TNPO1: variants seen among roughly 807,000 people sequenced by gnomAD.
The protein encoded by TNPO1 is transportin-1.
A neutral mutation model predicts 119.5 loss-of-function variants in TNPO1; 8 were observed. That is an observed-to-expected ratio of 0.07 (90% confidence interval 0.04 to 0.12). TNPO1 has a LOEUF of 0.12. Among genes scored for constraint, TNPO1 ranks in the 10% least tolerant of loss-of-function variants. The pLI is 1.00. For missense variants in TNPO1, 576 were observed against 1,089.8 expected, an observed-to-expected ratio of 0.53 and a Z score of 6.64; for synonymous variants, 362 against 363.0, an observed-to-expected ratio of 1.00 and a Z score of 0.03.
intron 4 of TNPO1, among the ~76,000 whole-genome samples, chr5:72,860,728 C>CA (rs1341816693): frequency 3.3e-5 from 5 of 152,184 alleles, no homozygotes; most frequent in Admixed American, 1.3e-4. Flanking sequence ...AAGTGATACT[C>CA]ATCTGCTTAA....
intron 14 of TNPO1, among the ~76,000 whole-genome samples, chr5:72,891,027 G>A (rs1702425997): frequency 6.6e-6 from 1 of 151,960 alleles, no homozygotes; most frequent in Non-Finnish European, 1.5e-5. Flanking sequence ...CCAACTTTTT[G>A]TAGAGATAGT....
intron 23 of TNPO1, among the ~76,000 whole-genome samples, chr5:72,904,813 A>C (rs1750028982): frequency 6.6e-6 from 1 of 152,142 alleles, no homozygotes; most frequent in Non-Finnish European, 1.5e-5. Context: ...CACACACAAA[A>C]AGATATGCCC....
At chr5:72,818,818 A>G (rs1743815901) in intron 1 of TNPO1, among the ~76,000 whole-genome samples, 1 of 152,210 alleles carries the variant, frequency 6.6e-6, no homozygotes, top group South Asian at 2.1e-4. Context: ...GTTTTCAAAA[A>G]CAATGGCGAA....
intron 23 of TNPO1, among the ~76,000 whole-genome samples, chr5:72,905,030 G>A (rs1750045395): frequency 6.6e-6 from 1 of 152,046 alleles, no homozygotes; most frequent in South Asian, 2.1e-4. Context: ...GAAGAGTATA[G>A]GAAAAACTAC....
At chr5:72,885,040 A>G (rs970979549) in intron 11 of TNPO1, among the ~76,000 whole-genome samples, 3 of 152,246 alleles carry the variant, frequency 2.0e-5, no homozygotes, top group Admixed American at 6.5e-5. Context: ...AGATAATGCT[A>G]ATTTCTCTGT....
intron 13 of TNPO1, among the ~76,000 whole-genome samples, chr5:72,889,206 C>T (rs867215449): frequency 6.6e-6 from 1 of 152,150 alleles, no homozygotes; most frequent in Admixed American, 6.5e-5. Flanking sequence ...TACAGGTGTG[C>T]GACACCATGC....
At chr5:72,817,022 A>G in intron 1 of TNPO1, 2 of 472,658 alleles carry the variant, frequency 4.2e-6, no homozygotes, top group Non-Finnish European at 7.5e-6. Context: ...GGAGCCCGTT[A>G]CAAGGGGCGG....
intron 4 of TNPO1, 74 bp downstream of exon 4, chr5:72,855,997 T>G: frequency 1.4e-6 from 2 of 1,477,054 alleles, no homozygotes; most frequent in South Asian, 1.2e-5. Context: ...GATTATTTCC[T>G]TAGGAATTTT....
chr5:72,897,600 T>C (rs982610822), intron 20 of TNPO1, among the ~76,000 whole-genome samples: 2 of 152,018 alleles, frequency 1.3e-5, no homozygotes, highest in Non-Finnish European at 2.9e-5. Flanking sequence ...ATTGGGAATT[T>C]AGGCAGTATG....
chr5:72,883,993 A>C (rs1478975114), intron 11 of TNPO1, among the ~76,000 whole-genome samples: 3 of 150,876 alleles, frequency 2.0e-5, no homozygotes, highest in African/African-American at 4.9e-5. Context: ...CAAGCGATCC[A>C]CCCGCCTTGC....
intron 9 of TNPO1, among the ~76,000 whole-genome samples, chr5:72,877,703 A>G (rs1747902586): frequency 6.6e-6 from 1 of 152,148 alleles, no homozygotes; most frequent in Non-Finnish European, 1.5e-5. Context: ...ATTTCCCACT[A>G]GTTGTGATGC....
Position 72,910,432 on chromosome 5 carries a change from G to A in TNPO1, c.*1759G>A, listed in dbSNP as rs1307043260. On this transcript the variant is annotated 3_prime_UTR_variant, in exon 25 of 25. Coordinates refer to ENST00000337273, the MANE Select transcript of TNPO1 (RefSeq NM_002270.4). The stretch of plus-strand genomic sequence containing the variant: ...TGAAAGTGCAAGTCTTTATTAATTT[G>A]GATTGCCTGAACAGTGTATCCCATG... 2.0e-5 allele frequency: 3 copies of A among 152,524 alleles called. No individual in the cohort carries two copies. Among genetic ancestry groups the A allele is most frequent in the Non-Finnish European group, 2.9e-5 (2 of 67,990 alleles). The allele number at this position is 152,524 out of a possible 1,614,324, so 9.4% of individuals were successfully genotyped here. A position where few individuals can be genotyped will look rare whatever the true frequency, so the allele number is the denominator to read the frequency against.
At chr5:72,886,293 CT>C (rs1294557762) in intron 11 of TNPO1, among the ~76,000 whole-genome samples, 1 of 152,148 alleles carries the variant, frequency 6.6e-6, no homozygotes, top group African/African-American at 2.4e-5. Context: ...GTGCCAGTGA[CT>C]TTTCTTCCAG....
intron 6 of TNPO1, among the ~76,000 whole-genome samples, chr5:72,866,679 A>G (rs1746930731): frequency 6.6e-6 from 1 of 152,182 alleles, no homozygotes; most frequent in Non-Finnish European, 1.5e-5. Flanking sequence ...GCTTAAGCCC[A>G]GAAGAAGGAG....
At chr5:72,860,919 T>C (rs1044072670) in intron 4 of TNPO1, among the ~76,000 whole-genome samples, 2 of 152,146 alleles carry the variant, frequency 1.3e-5, no homozygotes, top group Non-Finnish European at 2.9e-5. Context: ...TTAGAATTTT[T>C]TTTTTTTTTT....
chr5:72,880,211 G>A lies in TNPO1; in HGVS notation c.921-2256G>A, dbSNP rs150748388. The stretch of plus-strand genomic sequence containing the variant: ...CCTTTCTCAGAAAAAAAAAGCACCA[G>A]TGTAACAAGGAGGATATTAAGTTCT... On this transcript the variant is annotated intron_variant, in intron 9 of 24. Coordinates refer to ENST00000337273, the MANE Select transcript of TNPO1 (RefSeq NM_002270.4). Among the ~76,000 whole-genome samples the A allele has an allele frequency of 5.0e-3, 757 of 152,132 alleles. 5 individuals carry two copies. The highest frequency in any genetic ancestry group is 0.02 in the Middle Eastern group (6 of 294).
In TNPO1 at chr5:72,909,276, A is replaced by G. The variant is rs1750393955; in HGVS notation, c.*603A>G. On this transcript the variant is annotated 3_prime_UTR_variant, in exon 25 of 25. Transcript: ENST00000337273. ...TAGAAGCAGGTTCTTGGAAGTTACA[A>G]TTTAAGGTACCCCAAAAAAGTTGGA... 6.6e-6 allele frequency: 1 copy of G among 152,220 alleles called. No homozygotes were observed. Among genetic ancestry groups the G allele is most frequent in the Non-Finnish European group, 1.5e-5 (1 of 68,202 alleles). The allele number at this position is 152,220 out of a possible 1,614,324, so 9.4% of individuals were successfully genotyped here. A position where few individuals can be genotyped will look rare whatever the true frequency, so the allele number is the denominator to read the frequency against.
intron 11 of TNPO1, 141 bp downstream of exon 11, chr5:72,883,373 T>C (rs1302772241): frequency 1.6e-6 from 1 of 619,762 alleles, no homozygotes; most frequent in Non-Finnish European, 3.0e-6. Context: ...GTTCAACCAT[T>C]ACCACAATCA....
chr5:72,874,331 T>G (rs2112376284), intron 7 of TNPO1, among the ~76,000 whole-genome samples: 1 of 152,212 alleles, frequency 6.6e-6, no homozygotes, highest in Middle Eastern at 3.4e-3. Context: ...AAGTCTAACA[T>G]ATTGATGAAA....
Sources: gnomAD v4.1 joint callset for allele counts (sites outside exome capture counted in the v4.1 genomes callset) on GRCh38, gnomAD v4.1.1 for gene constraint, MANE v1.5 for transcripts, NCBI Gene and HGNC (gene_info 2026-07-23, HGNC 2026-07-21) for gene names.